MDN1: variants seen among roughly 807,000 people sequenced by gnomAD.
MDN1 encodes the protein midasin AAA ATPase 1, also known as midasin.
MDN1 carries 266 observed loss-of-function variants against 669.2 expected under a neutral mutation model. That is an observed-to-expected ratio of 0.40 (90% CI 0.36 to 0.44). The LOEUF is 0.44. MDN1 is among the 20% of genes least tolerant of loss of function. The pLI is 1.00. For missense variants in MDN1, 5,940 were observed against 6,754.0 expected (o/e 0.88, Z 4.22); for synonymous variants, 2,385 against 2,457.1 (o/e 0.97, Z 0.87).
chr6:89,796,341 A>AAAAAAAAAAC lies in MDN1; in HGVS notation c.330-1550_330-1541dup, dbSNP rs541733107. 1.1e-3 allele frequency among the ~76,000 whole-genome samples: 119 copies of AAAAAAAAAAC among 110,212 alleles called. 5 individuals carry two copies. The highest frequency in any genetic ancestry group is 1.7e-3 in the African/African-American group (45 of 26,512). The allele number at this position is 110,212 out of a possible 152,430, so 72.3% of individuals were successfully genotyped here. A position where few individuals can be genotyped will look rare whatever the true frequency, so the allele number is the denominator to read the frequency against. ...CTCTGTCTCAAAAAAAAAAAAAAAA[A>AAAAAAAAAAC]AAAAAAAAACAAAAAAAAAAACCAA... On this transcript the variant is annotated intron_variant, in intron 2 of 101. Coordinates refer to ENST00000369393, the MANE Select transcript of MDN1 (RefSeq NM_014611.3).
At chr6:89,785,437 A>G (rs796375633) in intron 8 of MDN1, among the ~76,000 whole-genome samples, 15 of 152,366 alleles carry the variant, frequency 9.8e-5, no homozygotes, top group African/African-American at 3.6e-4. Context: ...TAAGGCATAA[A>G]TAACTTCAGG....
intron 101 of MDN1, among the ~76,000 whole-genome samples, chr6:89,644,533 A>G (rs1047585467): frequency 6.6e-6 from 1 of 152,238 alleles, no homozygotes; most frequent in African/African-American, 2.4e-5. Flanking sequence ...TGTGACCCAC[A>G]GAGACAATGC....
At position 89,645,084 on chromosome 6, in the gene MDN1, T is replaced by TGCCA. The variant is rs1562026798; in HGVS notation, c.16529_16532dup (p.Ala5512GlyfsTer31). The TGCCA allele has an allele frequency of 6.2e-7, 1 of 1,612,504 alleles. No homozygotes were observed. Among genetic ancestry groups the TGCCA allele is most frequent in the East Asian group, 2.2e-5 (1 of 44,850 alleles). On this transcript the variant is annotated frameshift_variant, in exon 101 of 102. Transcript: ENST00000369393. LOFTEE classifies it high-confidence loss of function. ...TTGCATTCCGGGCAGCCTGAACTGCTGCCAGGACTCTTTCTTTGCCCTCAA... is the reference window on the plus strand; with the variant it reads ...TTGCATTCCGGGCAGCCTGAACTGCTGCCAGCCAGGACTCTTTCTTTGCCCTCAA...
At chr6:89,740,461 A>C (rs1482135043) in intron 31 of MDN1, 83 bp from the exon 32 acceptor site, 15 of 1,329,454 alleles carry the variant, frequency 1.1e-5, no homozygotes, top group Non-Finnish European at 1.5e-5. Context: ...AAAAGAAAAA[A>C]AAAAGTTATC....
At chr6:89,780,144 G>A in intron 11 of MDN1, 68 bp downstream of exon 11, 6 of 870,726 alleles carry the variant, frequency 6.9e-6, no homozygotes, top group South Asian at 1.8e-5. Flanking sequence ...TCAAAAGACA[G>A]AAAATAACAA....
Position 89,685,905 on chromosome 6 carries a change from C to T in MDN1, c.11641G>A (p.Gly3881Arg). 6.2e-7 allele frequency: 1 copy of T among 1,614,088 alleles called. No individual in the cohort carries two copies. Among genetic ancestry groups the T allele is most frequent in the Non-Finnish European group, 8.5e-7 (1 of 1,180,000 alleles). Residue 3881 changes from glycine to arginine, a missense_variant, in exon 70 of 102, where the codon GGA becomes AGA. Gly to Arg is a moderately radical substitution (Grantham distance 125). Transcript: ENST00000369393. ...ATCTGAAGTCGCACATGGAACTCTC[C>T]CAGCGAGGATCCTTCAATAAATGCT... The part of the protein sequence containing the change: ...LQAFIEGSSL[G>R]EFHVRLQMLL...
intron 83 of MDN1, among the ~76,000 whole-genome samples, chr6:89,668,766 C>G (rs756840382): frequency 5.9e-5 from 9 of 152,190 alleles, no homozygotes; most frequent in Non-Finnish European, 1.2e-4. Context: ...CTTGGTTACA[C>G]AGAAACAGCT....
Position 89,803,645 on chromosome 6 carries a change from A to C in MDN1, c.103-91T>G, listed in dbSNP as rs1286108825. ...CGCCCAGGAGCAAGTGCAGTGGTGC[A>C]ATCTCAGCTCACTGCAAGCTCCACC... On this transcript the variant is annotated intron_variant, in intron 1 of 101. Coordinates refer to ENST00000369393, the MANE Select transcript of MDN1 (RefSeq NM_014611.3). 9.7e-6 allele frequency: 9 copies of C among 929,828 alleles called. No homozygotes were observed. In the African/African-American group the frequency reaches 1.5e-4, roughly 15 times the overall value. The allele number at this position is 929,828 out of a possible 1,614,324, so 57.6% of individuals were successfully genotyped here.
chr6:89,819,710 CCGCAGGAAAGG>C lies in MDN1; in HGVS notation c.-114_-104del, dbSNP rs1769132110. 1.1e-6 allele frequency: 1 copy of C among 937,464 alleles called. No homozygotes were observed. Among genetic ancestry groups the C allele is most frequent in the Non-Finnish European group, 1.7e-6 (1 of 591,446 alleles). 58.1% of individuals were successfully genotyped at this position (937,464 alleles called of 1,614,324 possible). ...GTGCCCGAGCAGCCAGCAACTACGCCCGCAGGAAAGGCGTCCTCAGCTCCAGCGCCTACACC... is the reference window on the plus strand; with the variant it reads ...GTGCCCGAGCAGCCAGCAACTACGCCCGTCCTCAGCTCCAGCGCCTACACC... On this transcript the variant is annotated 5_prime_UTR_variant, in exon 1 of 102. Transcript: ENST00000369393.
rs1281465995 is a variant in MDN1 at position 89,688,739 on chromosome 6, A to T, written c.11093T>A (p.Phe3698Tyr). 6.2e-7 allele frequency: 1 copy of T among 1,614,188 alleles called. No homozygotes were observed. The highest frequency in any genetic ancestry group is 1.1e-5 in the South Asian group (1 of 91,088). The change falls in exon 66 of 102, where the codon TTT becomes TAT. Residue 3698 changes from phenylalanine to tyrosine, a missense_variant. Phe to Tyr is a conservative substitution (Grantham distance 22, BLOSUM62 3). Around this residue, in one of 5 missense-constraint regions of MDN1, gnomAD observed 2,280 missense variants for 2,576.3 expected, o/e 0.88. Transcript: ENST00000369393. The stretch of plus-strand genomic sequence containing the variant: ...CATCAGGTCTGAGGGTGCCTCCCCA[A>T]AAAGAGTGTTATGGGAGAGGGTACA... ...LACTLSHNTL[F>Y]GEAPSDLMVK...
At chr6:89,700,350 A>G in intron 56 of MDN1, 56 bp from the exon 57 acceptor site, 1 of 1,385,828 alleles carries the variant, frequency 7.2e-7, no homozygotes, top group South Asian at 1.2e-5. Context: ...TATAGCCTCT[A>G]GATTCTCAAC....
intron 1 of MDN1, among the ~76,000 whole-genome samples, chr6:89,805,540 G>A (rs1269205268): frequency 6.6e-6 from 1 of 151,984 alleles, no homozygotes; most frequent in Non-Finnish European, 1.5e-5. Context: ...TTAAAGCCCT[G>A]TCTCCCCCCA....
At chr6:89,725,930 TACACACACACACACACAC>T (rs71024397) in intron 37 of MDN1, among the ~76,000 whole-genome samples, 13 of 147,478 alleles carry the variant, frequency 8.8e-5, no homozygotes, top group East Asian at 2.0e-4. Context: ...TGGTATTTTA[TACACACACACACACACAC>T]ACACACACAC....
intron 88 of MDN1, among the ~76,000 whole-genome samples, chr6:89,660,392 T>C (rs1242669091): frequency 2.0e-5 from 3 of 152,072 alleles, no homozygotes; most frequent in Non-Finnish European, 4.4e-5. Context: ...ACTATGTTGT[T>C]CAGGCTGGTC....
intron 2 of MDN1, among the ~76,000 whole-genome samples, chr6:89,796,356 A>C (rs1314751873): frequency 6.6e-6 from 1 of 151,196 alleles, no homozygotes; most frequent in Non-Finnish European, 1.5e-5. Context: ...AAAAACAAAA[A>C]AAAAAACCAA....
chr6:89,813,094 C>A (rs1199796458), intron 1 of MDN1, among the ~76,000 whole-genome samples: 2 of 152,156 alleles, frequency 1.3e-5, no homozygotes, highest in Non-Finnish European at 2.9e-5. Context: ...GCATGCGCCA[C>A]CACGCCCGGC....
In MDN1 at chr6:89,678,683, C is replaced by T. The variant is rs764180409; in HGVS notation, c.12328G>A (p.Glu4110Lys). 8 of 1,614,004 alleles carry T rather than the reference C, an allele frequency of 5.0e-6. No homozygotes were observed. In the Admixed American group the frequency reaches 1.0e-4, roughly 20 times the overall value. Residue 4110 changes from glutamate to lysine, a missense_variant, in exon 75 of 102, where the codon GAG (glutamate) becomes AAG (lysine). Coordinates refer to ENST00000369393, the MANE Select transcript of MDN1 (RefSeq NM_014611.3). ...TGCTTGGCTTCTGACCGCTGCTTCT[C>T]CTTCTCTGCAGAGGGTTCCACCTTT... Reference protein sequence around the residue: ...SLKVEPSAEKEKQRSEAKHIL... With the variant: ...SLKVEPSAEKKKQRSEAKHIL...
In MDN1 at chr6:89,725,295, C is replaced by T. The variant is rs983907908; in HGVS notation, c.5574G>A (p.Gln1858=). The stretch of plus-strand genomic sequence containing the variant: ...ACCCAAAAATCTTCGTCTTTTCATG[C>T]TGCACTTGAAAGCTCATTCCTAACT... The part of the protein sequence containing the change: ...VPELGMSFQV[Q]HEKTKIFGCQ... The change falls in exon 38 of 102, where the codon CAG becomes CAA. Residue 1858 remains glutamine, a synonymous_variant. Coordinates refer to ENST00000369393, the MANE Select transcript of MDN1 (RefSeq NM_014611.3). The T allele has an allele frequency of 6.2e-7, 1 of 1,613,972 alleles. No individual in the cohort carries two copies. The highest frequency in any genetic ancestry group is 1.7e-5 in the Admixed American group (1 of 59,992).
chr6:89,776,869 T>C (rs1818382096), intron 11 of MDN1, among the ~76,000 whole-genome samples, 174 bp from the exon 12 acceptor site: 1 of 152,022 alleles, frequency 6.6e-6, no homozygotes, highest in Non-Finnish European at 1.5e-5. Flanking sequence ...CTGACCATAA[T>C]GGAAAGACAG....
Sources: gnomAD v4.1 joint callset for allele counts (sites outside exome capture counted in the v4.1 genomes callset) on GRCh38, gnomAD v4.1.1 for gene constraint, gnomAD v4.1.1 regional missense constraint, MANE v1.5 for transcripts, NCBI Gene and HGNC (gene_info 2026-07-23, HGNC 2026-07-21) for gene names.